GFPT2: variants seen among roughly 807,000 people sequenced by gnomAD.
GFPT2 encodes the protein glutamine--fructose-6-phosphate aminotransferase [isomerizing] 2.
GFPT2 carries 62 observed loss-of-function variants against 85.6 expected under a neutral mutation model. That is an observed-to-expected ratio of 0.72 (90% CI 0.59 to 0.90). The LOEUF (loss-of-function observed/expected upper bound fraction) is 0.90. Ranked by LOEUF, GFPT2 falls within the 40% of genes least tolerant of loss-of-function variation. The pLI, the probability that GFPT2 is intolerant of heterozygous loss-of-function variation, is 0.00. For synonymous variants in GFPT2, 368 were observed against 344.5 expected (o/e 1.07, Z -0.75); for missense variants, 788 against 893.4 (o/e 0.88, Z 1.50).
intron 1 of GFPT2, among the ~76,000 whole-genome samples, chr5:180,348,203 T>C (rs1360497589): frequency 6.6e-6 from 1 of 152,254 alleles, no homozygotes; most frequent in Admixed American, 6.5e-5. Context: ...GATTACTTCC[T>C]GCCTCAACAG....
chr5:180,352,339 GAAAAA>G, intron 1 of GFPT2: 173 of 344,266 alleles, frequency 5.0e-4, no homozygotes, highest in East Asian at 1.8e-3. Flanking sequence ...CCTACTCAAG[GAAAAA>G]AAAAAAAAAA....
At chr5:180,311,977 ACCAGGGAG>A (rs1763895300) in intron 15 of GFPT2, among the ~76,000 whole-genome samples, 1 of 126,138 alleles carries the variant, frequency 7.9e-6, no homozygotes. Flanking sequence ...GAGGCTGAGG[ACCAGGGAG>A]GCAGGGAGGT....
chr5:180,317,570 TAA>T (rs1316485771), intron 10 of GFPT2, among the ~76,000 whole-genome samples: 1 of 145,348 alleles, frequency 6.9e-6, no homozygotes, highest in African/African-American at 2.8e-5. Context: ...CCATCCCGGC[TAA>T]AACAGTGAAA....
intron 10 of GFPT2, among the ~76,000 whole-genome samples, chr5:180,317,455 T>C (rs76812224): frequency 0.15 from 22,246 of 151,976 alleles, 1,829 homozygotes; most frequent in East Asian, 0.22. Flanking sequence ...ACCCTCCTGG[T>C]TTCCGTAATA....
At chr5:180,302,939 T>C (rs756498367) in intron 17 of GFPT2, among the ~76,000 whole-genome samples, 7 of 152,088 alleles carry the variant, frequency 4.6e-5, no homozygotes, top group Non-Finnish European at 7.4e-5. Context: ...GAAATAAAGA[T>C]GAATTCCAGG....
At chr5:180,333,092 AT>A in intron 4 of GFPT2, among the ~76,000 whole-genome samples, 1 of 152,088 alleles carries the variant, frequency 6.6e-6, no homozygotes, top group South Asian at 2.1e-4. Flanking sequence ...TTTTTTATGT[AT>A]TTATTTATTT....
chr5:180,324,264 T>G lies in GFPT2; in HGVS notation c.718A>C (p.Lys240Gln), dbSNP rs765834201. Residue 240 changes from lysine to glutamine, a missense_variant, in exon 9 of 19, where the codon AAG becomes CAG. Lys to Gln is a moderately conservative substitution (Grantham distance 53). Coordinates refer to ENST00000253778, the MANE Select transcript of GFPT2 (RefSeq NM_005110.4). ...NVKNICKTRM[K>Q]RLDSSACLHA... ...AGGCAGGCGGAGCTGTCCAGCCTCT[T>G]CATCCGTGTCTTACAGATATTCTTC... 5.2e-5 allele frequency: 84 copies of G among 1,611,920 alleles called. 1 individual carries two copies. In the South Asian group the frequency reaches 9.1e-4, roughly 18 times the overall value.
intron 2 of GFPT2, among the ~76,000 whole-genome samples, chr5:180,336,834 T>G (rs1170106335): frequency 6.6e-6 from 1 of 152,196 alleles, no homozygotes; most frequent in Non-Finnish European, 1.5e-5. Flanking sequence ...GGTGAGCCCC[T>G]CGGGACACTT....
rs757240985 is a variant in GFPT2, at chr5:180,313,918, G to A, written c.1320C>T (p.Arg440=). ...TGGTGACGCCCACGGTGAGAGCGCC[G>A]CGGTCCTTACAGTAGCGCAGCGCCA... ...TLLALRYCKD[R]GALTVGVTNT... is the part of the protein sequence containing the mutation. Residue 440 remains arginine, a synonymous_variant, in exon 14 of 19, where the codon CGC becomes CGT. Coordinates refer to ENST00000253778, the MANE Select transcript of GFPT2 (RefSeq NM_005110.4). 27 of 1,605,504 alleles carry A rather than the reference G, an allele frequency of 1.7e-5. No homozygotes were observed. Among genetic ancestry groups the A allele is most frequent in the African/African-American group, 4.0e-5 (3 of 74,850 alleles).
chr5:180,331,389 T>C, intron 5 of GFPT2, 106 bp downstream of exon 5: 1 of 715,500 alleles, frequency 1.4e-6, no homozygotes, highest in South Asian at 1.7e-5. Flanking sequence ...AGTGTGGGTC[T>C]CACTCAGTTC....
intron 16 of GFPT2, among the ~76,000 whole-genome samples, chr5:180,305,222 C>G (rs1431149696): frequency 6.6e-6 from 1 of 152,150 alleles, no homozygotes; most frequent in Non-Finnish European, 1.5e-5. Context: ...CAGTCCCACG[C>G]ACAGCCACCC....
Position 180,304,922 on chromosome 5 carries a change from G to A in GFPT2, c.1692C>T (p.Thr564=). ...LEGALKIKEI[T]YMHSEGILAG... is the part of the protein sequence containing the mutation. ...CCAGGATGCCTTCTGAGTGCATGTA[G>A]GTTATCTCTTTAATTTTCTGGAAAC... is the stretch of plus-strand genomic sequence containing the variant. Residue 564 remains threonine, a synonymous_variant, in exon 17 of 19, where the codon ACC becomes ACT. Transcript: ENST00000253778. 6.2e-7 allele frequency: 1 copy of A among 1,609,430 alleles called. No homozygotes were observed. The highest frequency in any genetic ancestry group is 8.5e-7 in the Non-Finnish European group (1 of 1,176,026).
intron 1 of GFPT2, among the ~76,000 whole-genome samples, chr5:180,345,017 C>G (rs1020517382): frequency 6.6e-6 from 1 of 152,240 alleles, no homozygotes; most frequent in African/African-American, 2.4e-5. Context: ...GAACCCACCT[C>G]GAACCCCAGC....
intron 1 of GFPT2, among the ~76,000 whole-genome samples, chr5:180,347,947 A>G (rs1230052795): frequency 6.6e-6 from 1 of 152,088 alleles, no homozygotes; most frequent in Non-Finnish European, 1.5e-5. Context: ...CTTTCCAAGC[A>G]TCGGCTTCCC....
chr5:180,311,421 A>C (rs1763878696), intron 15 of GFPT2, among the ~76,000 whole-genome samples: 1 of 152,206 alleles, frequency 6.6e-6, no homozygotes, highest in South Asian at 2.1e-4. Flanking sequence ...AGGGGAGGCC[A>C]CGGTCCCCAA....
At chr5:180,352,101 C>A (rs568160842) in intron 1 of GFPT2, among the ~76,000 whole-genome samples, 1 of 152,194 alleles carries the variant, frequency 6.6e-6, no homozygotes. Flanking sequence ...GATGCCTGTT[C>A]AGCCTGGGTG....
intron 7 of GFPT2, among the ~76,000 whole-genome samples, chr5:180,326,825 T>C (rs1764218629): frequency 6.6e-6 from 1 of 152,194 alleles, no homozygotes; most frequent in South Asian, 2.1e-4. Context: ...ACCCGAAGAT[T>C]GTACTGCAGG....
chr5:180,336,101 C>T, intron 3 of GFPT2, 148 bp from the exon 4 acceptor site: 1 of 651,592 alleles, frequency 1.5e-6, no homozygotes, highest in South Asian at 2.1e-5. Context: ...CCGCGCAGGC[C>T]CACAAACCAC....
rs139960587 is a variant in GFPT2 at position 180,342,627 on chromosome 5, C to T, written c.8-4027G>A. Among the ~76,000 whole-genome samples the T allele has an allele frequency of 5.8e-4, 88 of 152,130 alleles. 1 individual carries two copies. In the East Asian group the frequency reaches 0.013, roughly 22 times the overall value. Reference sequence around the variant, plus strand: ...TCTTCTAAAAACAACCAGAGGCCAGCGCAGTGGCTCACGCCTGTAATCCTA... The same window carrying T: ...TCTTCTAAAAACAACCAGAGGCCAGTGCAGTGGCTCACGCCTGTAATCCTA... On this transcript the variant is annotated intron_variant, in intron 1 of 18. Transcript: ENST00000253778.
Sources: gnomAD v4.1 joint callset for allele counts (sites outside exome capture counted in the v4.1 genomes callset) on GRCh38, gnomAD v4.1.1 for gene constraint, MANE v1.5 for transcripts, NCBI Gene and HGNC (gene_info 2026-07-23, HGNC 2026-07-21) for gene names.